TRMT9B: variants seen among roughly 807,000 people sequenced by gnomAD.
TRMT9B encodes the protein tRNA methyltransferase 9B (putative).
TRMT9B carries 16 observed loss-of-function variants against 11.5 expected under a neutral mutation model. That is an observed-to-expected ratio of 1.39 (90% confidence interval 0.94 to 2.11). TRMT9B has a LOEUF of 2.11. Ranked by LOEUF, TRMT9B falls within the 30% of genes most tolerant of loss-of-function variation. The pLI, the probability that TRMT9B is intolerant of heterozygous loss-of-function variation, is 0.00. For missense variants in TRMT9B, 941 were observed against 553.8 expected (o/e 1.70, Z -7.02); for synonymous variants, 274 against 192.4 (o/e 1.42, Z -3.51).
Position 13,021,437 on chromosome 8 carries a change from C to T in TRMT9B, c.758C>T (p.Ser253Phe). 6.2e-7 allele frequency: 1 copy of T among 1,613,984 alleles called. No individual in the cohort carries two copies. Among genetic ancestry groups the T allele is most frequent in the Non-Finnish European group, 8.5e-7 (1 of 1,179,896 alleles). The change falls in exon 5 of 5, where the codon TCC becomes TTC. Residue 253 changes from serine to phenylalanine, a missense_variant. Ser to Phe is a radical substitution (Grantham distance 155). Coordinates refer to ENST00000524591, the MANE Select transcript of TRMT9B (RefSeq NM_020844.3). ...AAATCGTTTCGTTCCTGGTTTTTCT[C>T]CAGATCTTTGGATGAATCGACTCTG... ...LGKSFRSWFF[S>F]RSLDESTLRK...
chr8:13,011,016 C>G (rs1811504673), intron 3 of TRMT9B: 2 of 756,266 alleles, frequency 2.6e-6, no homozygotes, highest in African/African-American at 3.8e-5. Context: ...AAATCTAACT[C>G]TGTCATCACC....
In TRMT9B at chr8:12,946,121, A is replaced by G. The variant is rs1269758492; in HGVS notation, c.-200+155A>G. 2.6e-5 allele frequency among the ~76,000 whole-genome samples: 4 copies of G among 152,338 alleles called. No homozygotes were observed. The South Asian group carries it at 8.3e-4, about 32-fold the overall frequency. The stretch of plus-strand genomic sequence containing the variant: ...TTTCTCACAGACTGCTCAGCAATGA[A>G]TCTTTGTTGAATAAAATAATACTTT... On this transcript the variant is annotated intron_variant, in intron 1 of 4. Coordinates refer to ENST00000524591, the MANE Select transcript of TRMT9B (RefSeq NM_020844.3).
In TRMT9B at chr8:13,027,994, T is replaced by C. The variant is rs200317841; in HGVS notation, c.*5950T>C. On this transcript the variant is annotated 3_prime_UTR_variant, in exon 5 of 5. Transcript: ENST00000524591. ...AAAAAGATCTCTCACCAAACAAGGA[T>C]TGAAATTGTATTGCAAATGAAAGAG... The C allele has an allele frequency of 4.2e-5, 7 of 166,896 alleles. No homozygotes were observed. The East Asian group carries it at 9.6e-4, about 23-fold the overall frequency. 10.3% of individuals were successfully genotyped at this position (166,896 alleles called of 1,614,324 possible). A position where few individuals can be genotyped will look rare whatever the true frequency, so the allele number is the denominator to read the frequency against.
chr8:12,985,924 G>A (rs577480640), intron 1 of TRMT9B, among the ~76,000 whole-genome samples: 2 of 152,082 alleles, frequency 1.3e-5, no homozygotes, highest in South Asian at 4.2e-4. Flanking sequence ...GCTGTGGCGT[G>A]ATCTTGGCTC....
Position 13,026,946 on chromosome 8 carries a change from C to T in TRMT9B, c.*4902C>T, listed in dbSNP as rs1436587412. 1.2e-5 allele frequency: 2 copies of T among 166,988 alleles called. No homozygotes were observed. The highest frequency in any genetic ancestry group is 3.9e-4 in the East Asian group (2 of 5,190). The allele number at this position is 166,988 out of a possible 1,614,324, so 10.3% of individuals were successfully genotyped here. On this transcript the variant is annotated 3_prime_UTR_variant, in exon 5 of 5. Coordinates refer to ENST00000524591, the MANE Select transcript of TRMT9B (RefSeq NM_020844.3). ...CAATAGTAGTCTCTTACATATTTTC[C>T]CTTTTATCTTTTTTTCATTTGTAAA...
At chr8:12,991,462 C>T (rs745836567) in intron 2 of TRMT9B, among the ~76,000 whole-genome samples, 1 of 152,168 alleles carries the variant, frequency 6.6e-6, no homozygotes, top group Non-Finnish European at 1.5e-5. Context: ...GACCAACTTG[C>T]ATTTTCACTT....
At chr8:12,966,979 G>C (rs1802907158) in intron 1 of TRMT9B, among the ~76,000 whole-genome samples, 1 of 152,168 alleles carries the variant, frequency 6.6e-6, no homozygotes, top group African/African-American at 2.4e-5. Flanking sequence ...GGGCTAGGTA[G>C]TACTCTAGTA....
chr8:13,013,437 C>G (rs1438124445), intron 4 of TRMT9B, among the ~76,000 whole-genome samples: 2 of 152,114 alleles, frequency 1.3e-5, no homozygotes, highest in East Asian at 3.9e-4. Flanking sequence ...CTCATATCCT[C>G]CCAACAAGTG....
In TRMT9B at chr8:13,008,526, A is replaced by G. The variant is rs111941081; in HGVS notation, c.154+2170A>G. Reference sequence around the variant, plus strand: ...AGGCTGTAGTATTGACGTTGGGGTTACAAATAAATTTCAGCAGGTACATTA... The same window carrying G: ...AGGCTGTAGTATTGACGTTGGGGTTGCAAATAAATTTCAGCAGGTACATTA... On this transcript the variant is annotated intron_variant, in intron 3 of 4. Transcript: ENST00000524591. Among the ~76,000 whole-genome samples the G allele has an allele frequency of 1.6e-3, 238 of 152,310 alleles. 1 individual carries two copies. Among genetic ancestry groups the G allele is most frequent in the African/African-American group, 5.5e-3 (227 of 41,574 alleles).
chr8:13,005,134 A>C (rs1190221197), intron 2 of TRMT9B, among the ~76,000 whole-genome samples: 1 of 152,092 alleles, frequency 6.6e-6, no homozygotes, highest in Non-Finnish European at 1.5e-5. Flanking sequence ...TGTCATTCGC[A>C]ATAACATGGA....
intron 1 of TRMT9B, among the ~76,000 whole-genome samples, chr8:12,978,507 TGATAGATAGATGATAGATA>T (rs1453863092): frequency 0.071 from 6,887 of 96,822 alleles, 217 homozygotes; most frequent in Middle Eastern, 0.11. Flanking sequence ...GATAGACAGA[TGATAGATAGATGATAGATA>T]GATAGATAGA....
chr8:13,013,197 A>G (rs1423607687), intron 4 of TRMT9B, among the ~76,000 whole-genome samples: 1 of 152,192 alleles, frequency 6.6e-6, no homozygotes, highest in Non-Finnish European at 1.5e-5. Context: ...TCCAAAGCAA[A>G]GTAGATTTTT....
At chr8:13,020,670 TA>T (rs974449736) in intron 4 of TRMT9B, among the ~76,000 whole-genome samples, 3 of 152,084 alleles carry the variant, frequency 2.0e-5, no homozygotes, top group African/African-American at 2.4e-5. Context: ...TCCTTCTGGT[TA>T]AAAAAAATCC....
At chr8:12,946,109 G>T (rs189429160) in intron 1 of TRMT9B, 143 bp downstream of exon 1, 1 of 152,300 alleles carries the variant, frequency 6.6e-6, no homozygotes, top group East Asian at 1.9e-4. Context: ...CTCACAGACT[G>T]CTCAGCAATG....
In TRMT9B at chr8:13,012,788, G is replaced by T. The variant is rs763595602; in HGVS notation, c.259G>T (p.Ala87Ser). 5 of 1,613,828 alleles carry T rather than the reference G, an allele frequency of 3.1e-6. No homozygotes were observed. In the African/African-American group the frequency reaches 6.7e-5, roughly 22 times the overall value. ...VEIARNRGCE[A>S]MVCDNLNLPF... is the part of the protein sequence containing the mutation. Reference sequence around the variant, plus strand: ...GATTGCCCGGAATAGAGGATGTGAAGCCATGGTATGTGACAACCTTAATCT... The same window carrying T: ...GATTGCCCGGAATAGAGGATGTGAATCCATGGTATGTGACAACCTTAATCT... The change falls in exon 4 of 5, where the codon GCC (alanine) becomes TCC (serine). Residue 87 changes from alanine (A) to serine (S), a missense_variant. Ala to Ser is a moderately conservative substitution (Grantham distance 99). Transcript: ENST00000524591.
intron 2 of TRMT9B, among the ~76,000 whole-genome samples, chr8:13,002,124 G>T (rs1266458489): frequency 6.6e-6 from 1 of 152,048 alleles, no homozygotes; most frequent in East Asian, 1.9e-4. Flanking sequence ...TATCTTTTAG[G>T]TTACCCGATG....
In TRMT9B at chr8:13,026,626, C is replaced by G. The variant is rs665953; in HGVS notation, c.*4582C>G. The G allele has an allele frequency of 1, 166,486 of 167,290 alleles. 82,851 individuals carry two copies. The highest frequency in any genetic ancestry group is 1 in the Middle Eastern group (296 of 296). 10.4% of individuals were successfully genotyped at this position (167,290 alleles called of 1,614,324 possible). The stretch of plus-strand genomic sequence containing the variant: ...TCCTCACCACAGCCCTCCAAGATAA[C>G]TATACTTATTGTTCCCATTTTGCAG... On this transcript the variant is annotated 3_prime_UTR_variant, in exon 5 of 5. Transcript: ENST00000524591.
At chr8:12,961,545 C>CA (rs1441908102) in intron 1 of TRMT9B, among the ~76,000 whole-genome samples, 100 of 150,698 alleles carry the variant, frequency 6.6e-4, no homozygotes, top group African/African-American at 2.3e-3. Flanking sequence ...ACTAAAAACA[C>CA]AAAAAATTAG....
intron 1 of TRMT9B, among the ~76,000 whole-genome samples, chr8:12,955,792 C>A (rs1023184548): frequency 3.3e-5 from 5 of 152,128 alleles, no homozygotes; most frequent in African/African-American, 1.2e-4. Flanking sequence ...ATGAAGGTTG[C>A]AACTGAAAGT....
Sources: gnomAD v4.1 joint callset for allele counts (sites outside exome capture counted in the v4.1 genomes callset) on GRCh38, gnomAD v4.1.1 for gene constraint, MANE v1.5 for transcripts, NCBI Gene and HGNC (gene_info 2026-07-23, HGNC 2026-07-21) for gene names.